PLCB1: variants seen among roughly 807,000 people sequenced by gnomAD.
The protein encoded by PLCB1 is phospholipase C beta 1, also known as 1-phosphatidylinositol 4,5-bisphosphate phosphodiesterase beta-1.
PLCB1 carries 46 observed loss-of-function variants against 161.8 expected under a neutral mutation model. That is an observed-to-expected ratio of 0.28 (90% CI 0.22 to 0.36). PLCB1 has a LOEUF of 0.36. PLCB1 is among the 10% of genes least tolerant of loss of function. The pLI, the probability that PLCB1 is intolerant of heterozygous loss-of-function variation, is 1.00. For missense variants in PLCB1, 1,016 were observed against 1,472.5 expected (o/e 0.69, Z 5.07); for synonymous variants, 517 against 503.7 (o/e 1.03, Z -0.35).
chr20:8,653,594 T>A (rs1433656095), intron 7 of PLCB1: 1 of 152,026 alleles, frequency 6.6e-6, no homozygotes, highest in Non-Finnish European at 1.5e-5. Context: ...CAAGTCTATA[T>A]GTGGACTTTA....
intron 2 of PLCB1, among the ~76,000 whole-genome samples, chr20:8,179,887 C>G (rs1376775730): frequency 1.1e-5 from 1 of 90,746 alleles, no homozygotes. Context: ...GAGACGGAGT[C>G]CCTCTCTGTC....
chr20:8,349,944 T>A (rs1347529286), intron 2 of PLCB1, among the ~76,000 whole-genome samples: 3 of 152,176 alleles, frequency 2.0e-5, no homozygotes, highest in Non-Finnish European at 2.9e-5. Context: ...CATAATTTTC[T>A]ATGGAGGGAC....
At chr20:8,208,385 AG>A (rs1358720789) in intron 2 of PLCB1, among the ~76,000 whole-genome samples, 2 of 152,102 alleles carry the variant, frequency 1.3e-5, no homozygotes, top group East Asian at 3.9e-4. Flanking sequence ...ACCTTTGAGA[AG>A]GGCTGGTGAT....
intron 31 of PLCB1, among the ~76,000 whole-genome samples, chr20:8,795,457 G>C (rs1469598623): frequency 5.3e-5 from 8 of 152,194 alleles, no homozygotes; most frequent in African/African-American, 1.9e-4. Flanking sequence ...CTTTCCAGTA[G>C]AGTTCTGAAT....
intron 3 of PLCB1, among the ~76,000 whole-genome samples, chr20:8,601,522 A>G (rs1311278725): frequency 6.6e-6 from 1 of 152,186 alleles, no homozygotes; most frequent in Admixed American, 6.6e-5. Context: ...GTGAAAATGT[A>G]TATTATGGGT....
chr20:8,270,130 C>A (rs1046231123), intron 2 of PLCB1, among the ~76,000 whole-genome samples: 2 of 152,060 alleles, frequency 1.3e-5, no homozygotes, highest in African/African-American at 2.4e-5. Flanking sequence ...GCCATTTCTT[C>A]TTAATAAAAA....
chr20:8,845,788 G>A (rs375747742), intron 31 of PLCB1, among the ~76,000 whole-genome samples: 6 of 152,308 alleles, frequency 3.9e-5, no homozygotes, highest in African/African-American at 9.6e-5. Context: ...CAGAGGATTT[G>A]TTTAACACAA....
intron 2 of PLCB1, among the ~76,000 whole-genome samples, chr20:8,294,017 A>G (rs1200311281): frequency 2.6e-5 from 4 of 152,190 alleles, no homozygotes; most frequent in Admixed American, 6.6e-5. Flanking sequence ...AAGAAAGATT[A>G]ATAGAACATC....
intron 2 of PLCB1, among the ~76,000 whole-genome samples, chr20:8,253,324 C>A (rs1225094034): frequency 6.6e-6 from 1 of 151,898 alleles, no homozygotes; most frequent in Non-Finnish European, 1.5e-5. Context: ...TTTCCTTTTC[C>A]TAGTCCATTT....
intron 31 of PLCB1, among the ~76,000 whole-genome samples, chr20:8,817,191 A>AC (rs1985122399): frequency 6.6e-6 from 1 of 152,230 alleles, no homozygotes; most frequent in African/African-American, 2.4e-5. Context: ...AAAACTCTGT[A>AC]TAACTTTTTA....
chr20:8,261,093 G>T (rs1178519983), intron 2 of PLCB1, among the ~76,000 whole-genome samples: 1 of 152,158 alleles, frequency 6.6e-6, no homozygotes, highest in Non-Finnish European at 1.5e-5. Flanking sequence ...CAACATGTTT[G>T]TCAAGCTCCT....
intron 3 of PLCB1, among the ~76,000 whole-genome samples, chr20:8,539,815 TG>T (rs2122950368): frequency 1.3e-5 from 2 of 152,064 alleles, no homozygotes; most frequent in South Asian, 2.1e-4. Flanking sequence ...TGTTGTTCTT[TG>T]TTTTTTTGTT....
chr20:8,870,495 T>G (rs1987574560), intron 31 of PLCB1, among the ~76,000 whole-genome samples: 2 of 152,316 alleles, frequency 1.3e-5, no homozygotes, highest in Admixed American at 1.3e-4. Flanking sequence ...GGCGGTTTCA[T>G]GGAATATATG....
chr20:8,791,323 T>C (rs1228327482), intron 31 of PLCB1, among the ~76,000 whole-genome samples: 1 of 151,898 alleles, frequency 6.6e-6, no homozygotes, highest in Non-Finnish European at 1.5e-5. Flanking sequence ...CTCAGGTTGA[T>C]TATGCACTAA....
rs564910374 is a variant in PLCB1 at position 8,705,658 on chromosome 20, A to G, written c.1168-3012A>G. On this transcript the variant is annotated intron_variant, in intron 11 of 31. Transcript: ENST00000338037. ...TACTCCCAAATCAATGCAGTAAATC[A>G]TGCTTTAATGTGAGTATTTTTGACT... Among the ~76,000 whole-genome samples the G allele has an allele frequency of 7.2e-5, 11 of 152,346 alleles. No homozygotes were observed. The South Asian group carries it at 2.3e-3, about 32-fold the overall frequency.
chr20:8,502,960 T>A (rs1983485671), intron 3 of PLCB1, among the ~76,000 whole-genome samples: 2 of 152,130 alleles, frequency 1.3e-5, no homozygotes, highest in Admixed American at 6.5e-5. Flanking sequence ...GCCAGTCACC[T>A]CTCTTCATCA....
chr20:8,791,848 G>T (rs1460204591), intron 31 of PLCB1, among the ~76,000 whole-genome samples: 2 of 152,036 alleles, frequency 1.3e-5, no homozygotes, highest in African/African-American at 4.8e-5. Flanking sequence ...CTTCTTCCCT[G>T]GATATAACTG....
chr20:8,308,700 A>G (rs1984250509), intron 2 of PLCB1, among the ~76,000 whole-genome samples: 1 of 151,844 alleles, frequency 6.6e-6, no homozygotes, highest in South Asian at 2.1e-4. Context: ...TGGAGGCTAC[A>G]TAACTTGTCA....
chr20:8,591,805 GTGAC>G (rs1210701804), intron 3 of PLCB1, among the ~76,000 whole-genome samples: 5 of 152,132 alleles, frequency 3.3e-5, no homozygotes, highest in Admixed American at 3.3e-4. Flanking sequence ...ATTTTGGGGG[GTGAC>G]TGAGAAACAT....
Sources: allele counts gnomAD v4.1 joint callset (sites outside exome capture counted in the v4.1 genomes callset), GRCh38; gene constraint gnomAD v4.1.1; transcripts MANE v1.5; gene names NCBI Gene and HGNC (gene_info 2026-07-23, HGNC 2026-07-21).